PLCB1: variants seen among roughly 807,000 people sequenced by gnomAD.
PLCB1 encodes 1-phosphatidylinositol 4,5-bisphosphate phosphodiesterase beta-1.
A neutral mutation model predicts 161.8 loss-of-function variants in PLCB1; 46 were observed. That is an observed-to-expected ratio of 0.28 (90% confidence interval 0.22 to 0.36). The LOEUF is 0.36. PLCB1 is among the 10% of genes least tolerant of loss of function. The probability of loss-of-function intolerance (pLI) is 1.00; values close to 1 mark genes in which losing one functional copy is unlikely to be tolerated. For missense variants in PLCB1, 1,016 were observed against 1,472.5 expected (o/e 0.69, Z 5.07); for synonymous variants, 517 against 503.7 (o/e 1.03, Z -0.35).
intron 9 of PLCB1, among the ~76,000 whole-genome samples, chr20:8,674,470 C>T (rs768765273): frequency 6.6e-6 from 1 of 152,186 alleles, no homozygotes; most frequent in Admixed American, 6.5e-5. Context: ...GGTAGCGCTG[C>T]ATTACCTCAT....
chr20:8,740,439 A>G lies in PLCB1; in HGVS notation c.2404A>G (p.Thr802Ala). The G allele has an allele frequency of 6.4e-7, 1 of 1,568,142 alleles. No individual in the cohort carries two copies. Among genetic ancestry groups the G allele is most frequent in the Non-Finnish European group, 8.7e-7 (1 of 1,154,926 alleles). ...AGAAGTGAAAGACTATGTGCCAGAC[A>G]CATATGCAGGTAAACAACTTAACTC... Reference protein sequence around the residue: ...YIEVKDYVPDTYADVIEALSN... With the variant: ...YIEVKDYVPDAYADVIEALSN... Residue 802 changes from threonine (T) to alanine (A), a missense_variant, in exon 22 of 32, where the codon ACA (threonine) becomes GCA (alanine). This residue lies in a region of PLCB1 where 75 missense variants were observed against 117.0 expected (regional missense o/e 0.64). Coordinates refer to ENST00000338037, the MANE Select transcript of PLCB1 (RefSeq NM_015192.4).
intron 23 of PLCB1, among the ~76,000 whole-genome samples, chr20:8,753,917 T>A (rs1981607334): frequency 6.6e-6 from 1 of 152,178 alleles, no homozygotes; most frequent in African/African-American, 2.4e-5. Context: ...TTTCTATCAT[T>A]TCCACTAACT....
intron 2 of PLCB1, among the ~76,000 whole-genome samples, chr20:8,366,102 A>G (rs1471504054): frequency 1.3e-5 from 2 of 152,178 alleles, no homozygotes; most frequent in African/African-American, 4.8e-5. Context: ...CTCATTCAAA[A>G]TATTTTTGTT....
At chr20:8,785,381 A>C (rs147752909) in intron 27 of PLCB1, among the ~76,000 whole-genome samples, 2 of 151,986 alleles carry the variant, frequency 1.3e-5, no homozygotes, top group South Asian at 4.1e-4. Flanking sequence ...TGCCACTGGT[A>C]TGTGGACTAC....
chr20:8,323,902 A>C (rs1600314973), intron 2 of PLCB1, among the ~76,000 whole-genome samples: 1 of 152,238 alleles, frequency 6.6e-6, no homozygotes, highest in East Asian at 1.9e-4. Flanking sequence ...ATCAACAATT[A>C]TAATATAGTG....
intron 2 of PLCB1, among the ~76,000 whole-genome samples, chr20:8,342,377 A>T (rs558901828): frequency 1.6e-4 from 24 of 152,376 alleles, no homozygotes; most frequent in African/African-American, 5.8e-4. Context: ...TAGTTAAAGC[A>T]AAATAAGGAA....
At chr20:8,250,922 G>C (rs1318737116) in intron 2 of PLCB1, among the ~76,000 whole-genome samples, 2 of 151,922 alleles carry the variant, frequency 1.3e-5, no homozygotes, top group Non-Finnish European at 2.9e-5. Context: ...CAACATAGGA[G>C]ACATAAGATA....
chr20:8,880,300 C>T (rs1292192209), intron 31 of PLCB1, among the ~76,000 whole-genome samples: 8 of 152,130 alleles, frequency 5.3e-5, no homozygotes, highest in Admixed American at 1.3e-4. Context: ...TACCAGACAA[C>T]TCTCCCTGTT....
At chr20:8,144,106 C>T (rs1440187410) in intron 1 of PLCB1, among the ~76,000 whole-genome samples, 6 of 152,096 alleles carry the variant, frequency 3.9e-5, no homozygotes, top group Non-Finnish European at 8.8e-5. Context: ...TAAAAGTATC[C>T]GGCCAGTTCA....
chr20:8,233,240 A>G (rs150006995), intron 2 of PLCB1, among the ~76,000 whole-genome samples: 1 of 151,482 alleles, frequency 6.6e-6, no homozygotes, highest in Non-Finnish European at 1.5e-5. Context: ...ATATTCATCA[A>G]TTGCTGGTCA....
intron 2 of PLCB1, among the ~76,000 whole-genome samples, chr20:8,271,679 G>C (rs1349210630): frequency 2.0e-5 from 3 of 152,032 alleles, no homozygotes; most frequent in Non-Finnish European, 2.9e-5. Context: ...AGAGAGTCTT[G>C]TCTCCAGAAA....
chr20:8,298,098 C>A (rs1465888303), intron 2 of PLCB1, among the ~76,000 whole-genome samples: 1 of 151,734 alleles, frequency 6.6e-6, no homozygotes, highest in Non-Finnish European at 1.5e-5. Flanking sequence ...AGTTCAAGAC[C>A]AGCCTGAACA....
intron 1 of PLCB1, among the ~76,000 whole-genome samples, chr20:8,136,703 T>C (rs1285599090): frequency 2.6e-5 from 4 of 152,184 alleles, no homozygotes; most frequent in Admixed American, 2.6e-4. Context: ...AGGTGTTCTA[T>C]GGCTCTTTTA....
intron 6 of PLCB1, 110 bp from the exon 7 acceptor site, chr20:8,649,264 G>A: frequency 3.0e-6 from 2 of 672,060 alleles, no homozygotes; most frequent in Non-Finnish European, 5.3e-6. Flanking sequence ...CTTTAAATAT[G>A]AATAATAAAT....
intron 4 of PLCB1, among the ~76,000 whole-genome samples, chr20:8,630,725 A>C (rs1988559502): frequency 1.3e-5 from 2 of 152,228 alleles, no homozygotes; most frequent in Admixed American, 1.3e-4. Flanking sequence ...GGATGCACTA[A>C]ATCTCAATTA....
At chr20:8,139,093 T>TTG (rs1444794711) in intron 1 of PLCB1, among the ~76,000 whole-genome samples, 1,628 of 137,100 alleles carry the variant, frequency 0.012, 43 homozygotes, top group African/African-American at 0.042. Context: ...TTTTTTTTTT[T>TTG]TTTTTTTTTT....
intron 2 of PLCB1, among the ~76,000 whole-genome samples, chr20:8,243,404 T>C (rs969019641): frequency 3.3e-5 from 5 of 152,016 alleles, no homozygotes; most frequent in African/African-American, 9.7e-5. Context: ...GCAGGCAACA[T>C]AGGTCTGAAA....
At chr20:8,361,952 A>C (rs774247866) in intron 2 of PLCB1, among the ~76,000 whole-genome samples, 3 of 152,214 alleles carry the variant, frequency 2.0e-5, no homozygotes, top group Non-Finnish European at 4.4e-5. Flanking sequence ...CTATTTGCAA[A>C]ATGATGGATG....
intron 3 of PLCB1, among the ~76,000 whole-genome samples, chr20:8,406,953 G>A (rs1978812143): frequency 1.3e-5 from 2 of 152,128 alleles, no homozygotes; most frequent in African/African-American, 4.8e-5. Context: ...AGACTGCTAA[G>A]TAAGTAAAGA....
Sources: gnomAD v4.1 joint callset for allele counts (sites outside exome capture counted in the v4.1 genomes callset) on GRCh38, gnomAD v4.1.1 for gene constraint, gnomAD v4.1.1 regional missense constraint, MANE v1.5 for transcripts, NCBI Gene and HGNC (gene_info 2026-07-23, HGNC 2026-07-21) for gene names.